DRAXIN: variants seen among roughly 807,000 people sequenced by gnomAD.
DRAXIN encodes dorsal inhibitory axon guidance protein.
In DRAXIN, 27 loss-of-function variants were observed where a neutral mutation model predicts 33.9. The observed-to-expected ratio is 0.80, with a 90% CI of 0.59 to 1.10. The LOEUF is 1.10. DRAXIN is among the 50% of genes least tolerant of loss of function. The pLI is 0.00. For missense variants in DRAXIN, 371 were observed against 460.8 expected, an observed-to-expected ratio of 0.81 and a Z score of 1.78; for synonymous variants, 178 against 194.0, an observed-to-expected ratio of 0.92 and a Z score of 0.69.
rs61744690 is a variant in DRAXIN at position 11,712,404 on chromosome 1, C to T, written c.822C>T (p.Cys274=). 2.6e-3 allele frequency: 4,187 copies of T among 1,613,990 alleles called. 23 individuals carry two copies. The highest frequency in any genetic ancestry group is 3.4e-3 in the South Asian group (306 of 91,068). The change falls in exon 5 of 7, where the codon TGC becomes TGT. Residue 274 remains cysteine, a synonymous_variant. Coordinates refer to ENST00000294485, the MANE Select transcript of DRAXIN (RefSeq NM_198545.4). ...NETSPAEGEP[C]DHHQDCLPGT... ...CATCACCAGCCGAAGGGGAACCATGCGACCATCACCAAGACTGCCTGCCAG... is the reference window on the plus strand; with the variant it reads ...CATCACCAGCCGAAGGGGAACCATGTGACCATCACCAAGACTGCCTGCCAG...
intron 6 of DRAXIN, among the ~76,000 whole-genome samples, chr1:11,717,442 T>G (rs1349835412): frequency 6.7e-6 from 1 of 149,600 alleles, no homozygotes; most frequent in Non-Finnish European, 1.5e-5. Context: ...GGCGGGCAGA[T>G]CATGAGGTCA....
At position 11,722,325 on chromosome 1, in the gene DRAXIN, G is replaced by A. The variant is rs1424994507; in HGVS notation, c.*2629G>A. On this transcript the variant is annotated 3_prime_UTR_variant, in exon 7 of 7. Transcript: ENST00000294485. ...GGGGACAGCTGTTAGATGGTCCTAG[G>A]ACATCAGCCATGGAGAACACAGAGG... 1.3e-5 allele frequency: 2 copies of A among 152,202 alleles called. No homozygotes were observed. The highest frequency in any genetic ancestry group is 4.8e-5 in the African/African-American group (2 of 41,434). 9.4% of individuals were successfully genotyped at this position (152,202 alleles called of 1,614,324 possible).
At chr1:11,695,609 A>AT (rs1553169482) in intron 1 of DRAXIN, among the ~76,000 whole-genome samples, 95 of 102,532 alleles carry the variant, frequency 9.3e-4, no homozygotes, top group South Asian at 2.2e-3. Flanking sequence ...CTCAAAAAAA[A>AT]AAATATATAT....
intron 1 of DRAXIN, among the ~76,000 whole-genome samples, chr1:11,703,130 G>A (rs971691900): frequency 7.9e-5 from 12 of 152,220 alleles, no homozygotes; most frequent in African/African-American, 2.2e-4. Context: ...TGGAGGGGCC[G>A]CAGAGCAGAA....
upstream of DRAXIN, among the ~76,000 whole-genome samples, chr1:11,690,751 T>A (rs187167566): frequency 1.3e-5 from 2 of 151,780 alleles, no homozygotes; most frequent in Non-Finnish European, 2.9e-5. This position sits in a 1 kb window ranked among gnomAD's most constrained non-coding sequence, Gnocchi z 4.2. Flanking sequence ...CCGTCGTGAG[T>A]TATGGGAGGC....
chr1:11,689,578 A>G (rs922523983), upstream of DRAXIN, among the ~76,000 whole-genome samples: 1 of 152,076 alleles, frequency 6.6e-6, no homozygotes, highest in African/African-American at 2.4e-5. Flanking sequence ...CCTGGGTGAG[A>G]GCAAGACTCC....
intron 5 of DRAXIN, among the ~76,000 whole-genome samples, chr1:11,712,940 C>G (rs1157464611): frequency 6.6e-6 from 1 of 151,128 alleles, no homozygotes; most frequent in African/African-American, 2.4e-5. Flanking sequence ...TGGCTCATGC[C>G]TGTAATCCCA....
At position 11,725,217 on chromosome 1, in the gene DRAXIN, G is replaced by A. The variant is rs1325700082; in HGVS notation, c.*5521G>A. On this transcript the variant is annotated 3_prime_UTR_variant, in exon 7 of 7. Transcript: ENST00000294485. ...TGTAGTCCCAGCTATTCTCCAGGCT[G>A]AGGTGGGAGGATCGCTTGAGCCCAA... 4 of 152,302 alleles carry A rather than the reference G, an allele frequency of 2.6e-5. No individual in the cohort carries two copies. Among genetic ancestry groups the A allele is most frequent in the Admixed American group, 6.5e-5 (1 of 15,288 alleles). The allele number at this position is 152,302 out of a possible 1,614,324, so 9.4% of individuals were successfully genotyped here.
intron 3 of DRAXIN, among the ~76,000 whole-genome samples, chr1:11,710,725 T>C (rs13375870): frequency 0.13 from 18,135 of 135,424 alleles, 1,120 homozygotes; most frequent in Non-Finnish European, 0.14. Context: ...CCATCCTGGC[T>C]AACATGGTGA....
intron 1 of DRAXIN, among the ~76,000 whole-genome samples, chr1:11,701,973 C>T (rs908715989): frequency 6.6e-6 from 1 of 152,124 alleles, no homozygotes; most frequent in African/African-American, 2.4e-5. Context: ...AGAGAGGGGC[C>T]CGTGTAGTCT....
At chr1:11,687,963 AG>A (rs2100720874), upstream of DRAXIN, among the ~76,000 whole-genome samples, 1 of 152,324 alleles carries the variant, frequency 6.6e-6, no homozygotes, top group South Asian at 2.1e-4. The surrounding 1 kb of genome is among the most constrained non-coding windows in gnomAD (Gnocchi z 4.1). Context: ...TGGATGGGAT[AG>A]GAGTCCAGGC....
upstream of DRAXIN, among the ~76,000 whole-genome samples, chr1:11,690,799 T>C (rs1641047932): frequency 6.6e-6 from 1 of 151,456 alleles, no homozygotes; most frequent in Non-Finnish European, 1.5e-5. This position sits in a 1 kb window ranked among gnomAD's most constrained non-coding sequence, Gnocchi z 4.2. Flanking sequence ...ACTCCCAGGG[T>C]CGTCAGGACA....
chr1:11,707,550 G>A (rs1363824118), intron 2 of DRAXIN, among the ~76,000 whole-genome samples: 2 of 152,184 alleles, frequency 1.3e-5, no homozygotes, highest in African/African-American at 4.8e-5. Flanking sequence ...TGGGGCGCTT[G>A]GAGCTCAGCT....
chr1:11,709,957 T>G (rs1376322670), intron 3 of DRAXIN, among the ~76,000 whole-genome samples: 1 of 150,936 alleles, frequency 6.6e-6, no homozygotes, highest in Non-Finnish European at 1.5e-5. Context: ...GAGGCCAAGG[T>G]GGGCAGATCA....
Position 11,711,872 on chromosome 1 carries a change from G to A in DRAXIN, c.664G>A (p.Gly222Arg), listed in dbSNP as rs78987150. 3.0e-3 allele frequency: 4,798 copies of A among 1,613,474 alleles called. 119 individuals carry two copies. In the Admixed American group the frequency reaches 0.052, roughly 17 times the overall value. The change falls in exon 4 of 7, where the codon GGG (glycine) becomes AGG (arginine). Residue 222 changes from glycine to arginine, a missense_variant. Transcript: ENST00000294485. Reference sequence around the variant, plus strand: ...CCAGCAGGCACAGCCCAGGTCTGACGGGGAGGTGATGCCCACGCTGGACAT... The same window carrying A: ...CCAGCAGGCACAGCCCAGGTCTGACAGGGAGGTGATGCCCACGCTGGACAT... ...RPQQAQPRSD[G>R]EVMPTLDMAL...
At chr1:11,707,821 G>A (rs921599404) in intron 2 of DRAXIN, among the ~76,000 whole-genome samples, 2 of 152,174 alleles carry the variant, frequency 1.3e-5, no homozygotes, top group East Asian at 1.9e-4. Flanking sequence ...GAGTAGACAT[G>A]TCCCCTCAGC....
At chr1:11,716,851 C>T (rs1262039474) in intron 6 of DRAXIN, among the ~76,000 whole-genome samples, 1 of 152,170 alleles carries the variant, frequency 6.6e-6, no homozygotes, top group African/African-American at 2.4e-5. Flanking sequence ...TTAGGGAGCA[C>T]CTACTGCGTA....
intron 3 of DRAXIN, among the ~76,000 whole-genome samples, chr1:11,710,756 T>C (rs934250548): frequency 5.3e-5 from 4 of 75,196 alleles, no homozygotes; most frequent in East Asian, 8.1e-4. Flanking sequence ...CTACTAAAAA[T>C]ACAAAAAAAA....
rs938531130 is a variant in DRAXIN, at chr1:11,694,495, C to A, written c.-11+2642C>A. Among the ~76,000 whole-genome samples, 2 of 152,182 alleles carry A rather than the reference C, an allele frequency of 1.3e-5. No individual in the cohort carries two copies. The highest frequency in any genetic ancestry group is 1.3e-4 in the Admixed American group (2 of 15,280). On this transcript the variant is annotated intron_variant, in intron 1 of 6. Coordinates refer to ENST00000294485, the MANE Select transcript of DRAXIN (RefSeq NM_198545.4). The surrounding 1 kb of genome is among the most constrained non-coding windows in gnomAD (Gnocchi z 4.9). Reference sequence around the variant, plus strand: ...GACCAGAGAACGAAGTGGCTCACCCCAGCCGTGCAGATTGGGTTTGAAGCC... The same window carrying A: ...GACCAGAGAACGAAGTGGCTCACCCAAGCCGTGCAGATTGGGTTTGAAGCC...
Sources: gnomAD v4.1 joint callset for allele counts (sites outside exome capture counted in the v4.1 genomes callset) on GRCh38, gnomAD v4.1.1 for gene constraint, Gnocchi (gnomAD v3.1) non-coding constraint, MANE v1.5 for transcripts, NCBI Gene and HGNC (gene_info 2026-07-23, HGNC 2026-07-21) for gene names.